The following ST18 variants were observed in gnomAD, a reference collection of about 807,000 sequenced individuals.
ST18 encodes suppression of tumorigenicity 18 protein.
ST18 carries 50 observed loss-of-function variants against 110.0 expected under a neutral mutation model. The observed-to-expected ratio is 0.45, with a 90% confidence interval of 0.36 to 0.58. The LOEUF is 0.58. ST18 is among the 20% of genes least tolerant of loss of function. The pLI is 0.00. For synonymous variants in ST18, 461 were observed against 452.4 expected (o/e 1.02, Z -0.24); for missense variants, 1,306 against 1,280.1 (o/e 1.02, Z -0.31).
chr8:52,129,624 A>G (rs972749805), intron 22 of ST18, among the ~76,000 whole-genome samples: 2 of 152,188 alleles, frequency 1.3e-5, no homozygotes, highest in Admixed American at 1.3e-4. Flanking sequence ...TCCACCTTAA[A>G]GAGGATACCC....
chr8:52,325,246 T>C (rs976140153), intron 2 of ST18, among the ~76,000 whole-genome samples: 7 of 152,142 alleles, frequency 4.6e-5, no homozygotes, highest in Non-Finnish European at 4.4e-5. Context: ...AGGAAATCAT[T>C]GAAATGCTTA....
chr8:52,346,034 C>T (rs1208819828), intron 2 of ST18, among the ~76,000 whole-genome samples: 2 of 151,422 alleles, frequency 1.3e-5, no homozygotes, highest in African/African-American at 4.9e-5. Flanking sequence ...AAAAACTGAC[C>T]CCAGAGGAAT....
At chr8:52,393,187 G>A (rs1052388152) in intron 2 of ST18, among the ~76,000 whole-genome samples, 1 of 152,126 alleles carries the variant, frequency 6.6e-6, no homozygotes, top group Non-Finnish European at 1.5e-5. Flanking sequence ...TGGCTCTGTG[G>A]TACAATCCAC....
intron 10 of ST18, among the ~76,000 whole-genome samples, chr8:52,171,392 C>T (rs1039854777): frequency 6.6e-6 from 1 of 152,168 alleles, no homozygotes; most frequent in Non-Finnish European, 1.5e-5. Flanking sequence ...GAGCATCCTG[C>T]CTGGCTAGCA....
chr8:52,152,714 G>A (rs988464310), intron 15 of ST18, among the ~76,000 whole-genome samples: 2 of 152,060 alleles, frequency 1.3e-5, no homozygotes, highest in South Asian at 4.1e-4. Flanking sequence ...TTTTAGTGAA[G>A]GTAATTTTAT....
intron 2 of ST18, among the ~76,000 whole-genome samples, chr8:52,374,190 T>TG (rs1554854342): frequency 6.6e-6 from 1 of 152,176 alleles, no homozygotes; most frequent in African/African-American, 2.4e-5. Context: ...GCAGATGTAA[T>TG]GGAGTTGAAA....
intron 8 of ST18, among the ~76,000 whole-genome samples, chr8:52,202,013 G>A (rs1285010798): frequency 6.6e-6 from 1 of 152,212 alleles, no homozygotes; most frequent in Admixed American, 6.5e-5. Context: ...CTGATTCGTA[G>A]TTGAGGGGCC....
In ST18 at chr8:52,149,909, G is replaced by T; in HGVS notation, c.1875C>A (p.Asp625Glu). The T allele has an allele frequency of 6.2e-7, 1 of 1,614,128 alleles. No individual in the cohort carries two copies. Among genetic ancestry groups the T allele is most frequent in the Non-Finnish European group, 8.5e-7 (1 of 1,180,008 alleles). ...TAGAGGAAGTTAGGGGTGCAGACTT[G>T]TCCAGGATTCGATTTTTTTTCATGC... ...DLSMKKNRIL[D>E]KSAPLTSSNT... is the part of the protein sequence containing the mutation. The change falls in exon 16 of 26, where the codon GAC becomes GAA. Residue 625 changes from aspartate (D) to glutamate (E), a missense_variant. Transcript: ENST00000689386.
chr8:52,214,609 T>A (rs1353416667), intron 6 of ST18, among the ~76,000 whole-genome samples: 1 of 152,074 alleles, frequency 6.6e-6, no homozygotes, highest in Non-Finnish European at 1.5e-5. Context: ...ACCAAAAGAT[T>A]TCAAACCAAT....
At chr8:52,245,145 C>T (rs1395492494) in intron 2 of ST18, among the ~76,000 whole-genome samples, 1 of 152,134 alleles carries the variant, frequency 6.6e-6, no homozygotes, top group Non-Finnish European at 1.5e-5. Flanking sequence ...GAGGTAAATA[C>T]CTTCATTCTA....
At chr8:52,163,641 G>T (rs936664877) in intron 13 of ST18, among the ~76,000 whole-genome samples, 86 of 152,286 alleles carry the variant, frequency 5.6e-4, no homozygotes, top group African/African-American at 2.0e-3. Context: ...CAGGCAGAAA[G>T]GTGATGAAGG....
At chr8:52,290,071 G>C (rs1210297641) in intron 2 of ST18, among the ~76,000 whole-genome samples, 1 of 152,112 alleles carries the variant, frequency 6.6e-6, no homozygotes, top group Non-Finnish European at 1.5e-5. Flanking sequence ...GGTACACCTG[G>C]TACAACTCTG....
rs1236583928 is a variant in ST18, at chr8:52,149,977, C to T, written c.1807G>A (p.Gly603Arg). Residue 603 changes from glycine (G) to arginine (R), a missense_variant and splice_region_variant, in exon 16 of 26, where the codon GGA (glycine) becomes AGA (arginine). Coordinates refer to ENST00000689386, the MANE Select transcript of ST18 (RefSeq NM_001352837.2). Reference sequence around the variant, plus strand: ...TTTTCATCCACTTCTATTTCGGCTCCCTGGTATACAATAGGAAACAGAAAA... The same window carrying T: ...TTTTCATCCACTTCTATTTCGGCTCTCTGGTATACAATAGGAAACAGAAAA... ...SNKPQSLHAKGAEIEVDENGT... is the reference protein window; with the variant it reads ...SNKPQSLHAKRAEIEVDENGT... 2 of 1,612,578 alleles carry T rather than the reference C, an allele frequency of 1.2e-6. No homozygotes were observed. Among genetic ancestry groups the T allele is most frequent in the African/African-American group, 2.7e-5 (2 of 74,804 alleles).
intron 2 of ST18, among the ~76,000 whole-genome samples, chr8:52,395,257 T>G (rs958601527): frequency 1.3e-5 from 2 of 152,182 alleles, no homozygotes; most frequent in African/African-American, 4.8e-5. Flanking sequence ...AGACACACAA[T>G]CCTCTGCTTT....
rs1554586232 is a variant in ST18 at position 52,130,167 on chromosome 8, A to AAAGAAAGAAAGAAAG, written c.2666+1790_2666+1791insCTTTCTTTCTTTCTT. 7.8e-3 allele frequency among the ~76,000 whole-genome samples: 700 copies of AAAGAAAGAAAGAAAG among 89,944 alleles called. 8 individuals carry two copies. Among genetic ancestry groups the AAAGAAAGAAAGAAAG allele is most frequent in the Admixed American group, 0.023 (221 of 9,680 alleles). The allele number at this position is 89,944 out of a possible 152,430, so 59.0% of individuals were successfully genotyped here. A position where few individuals can be genotyped will look rare whatever the true frequency, so the allele number is the denominator to read the frequency against. ...AGAAAGAAAGAAAGAAAGAAAGAAA[A>AAAGAAAGAAAGAAAG]AGAAAAGAAAATAGTACCTTGGCAT... On this transcript the variant is annotated intron_variant, in intron 22 of 25. Transcript: ENST00000689386.
At chr8:52,169,477 AT>A (rs1318108748) in intron 10 of ST18, among the ~76,000 whole-genome samples, 4 of 152,144 alleles carry the variant, frequency 2.6e-5, no homozygotes, top group Non-Finnish European at 5.9e-5. Flanking sequence ...AACCAAACTA[AT>A]TTTAGAATTG....
At chr8:52,118,536 C>G in intron 23 of ST18, 95 bp from the exon 24 acceptor site, 3 of 674,496 alleles carry the variant, frequency 4.4e-6, no homozygotes, top group Non-Finnish European at 7.1e-6. Context: ...GAAAATGAGA[C>G]TTTCATTTAG....
intron 2 of ST18, among the ~76,000 whole-genome samples, chr8:52,402,646 C>A (rs544384480): frequency 6.6e-6 from 1 of 152,122 alleles, no homozygotes; most frequent in East Asian, 1.9e-4. Context: ...GACTATGGTC[C>A]CAGAGCAGTG....
chr8:52,259,097 G>C (rs1589387665), intron 2 of ST18, among the ~76,000 whole-genome samples: 1 of 152,284 alleles, frequency 6.6e-6, no homozygotes, highest in East Asian at 1.9e-4. Flanking sequence ...ATTCTCTCTA[G>C]ATTGGGCTAT....
Sources: allele counts gnomAD v4.1 joint callset (sites outside exome capture counted in the v4.1 genomes callset), GRCh38; gene constraint gnomAD v4.1.1; transcripts MANE v1.5; gene names NCBI Gene and HGNC (gene_info 2026-07-23, HGNC 2026-07-21).